Variants in DCHS2 observed in about 807,000 individuals in gnomAD.
The protein encoded by DCHS2 is dachsous cadherin-related 2.
Under a neutral mutation model 182.4 loss-of-function variants are expected in DCHS2, and 142 were observed. That is an observed-to-expected ratio of 0.78 (90% CI 0.68 to 0.89). DCHS2 has a LOEUF of 0.89. Ranked by LOEUF, DCHS2 falls within the 40% of genes least tolerant of loss-of-function variation. The pLI is 0.00. For missense variants in DCHS2, 4,319 were observed against 4,198.6 expected (o/e 1.03, Z -0.79); for synonymous variants, 1,740 against 1,663.3 (o/e 1.05, Z -1.12).
chr4:154,332,794 G>A lies in DCHS2; in HGVS notation c.3414C>T (p.Tyr1138=), dbSNP rs1561048813. 3.7e-6 allele frequency: 6 copies of A among 1,614,250 alleles called. No homozygotes were observed. The highest frequency in any genetic ancestry group is 2.2e-5 in the East Asian group (1 of 44,886). ...VDSAMFGIRP[Y]TGWIYLRRQF... ...GTCGCCGCAAATAAATCCAGCCCGT[G>A]TAAGGGCGGATTCCAAACATAGCAG... The change falls in exon 5 of 20, where the codon TAC becomes TAT. Residue 1138 remains tyrosine, a synonymous_variant. Transcript: ENST00000357232.
chr4:154,304,135 G>A (rs1735334506), intron 12 of DCHS2, among the ~76,000 whole-genome samples: 1 of 151,490 alleles, frequency 6.6e-6, no homozygotes, highest in African/African-American at 2.4e-5. Context: ...TGGCATCCCA[G>A]TGGTAGCTAA....
At chr4:154,371,089 G>T (rs536406382) in intron 2 of DCHS2, among the ~76,000 whole-genome samples, 6 of 152,094 alleles carry the variant, frequency 3.9e-5, no homozygotes, top group Non-Finnish European at 8.8e-5. Flanking sequence ...CAGGGTGCTG[G>T]GTTGTTCAGC....
At position 154,491,093 on chromosome 4, in the gene DCHS2, G is replaced by T; in HGVS notation, c.263C>A (p.Ala88Asp). 1 of 1,551,336 alleles carries T rather than the reference G, an allele frequency of 6.4e-7. No homozygotes were observed. The change falls in exon 1 of 20, where the codon GCC becomes GAC. Residue 88 changes from alanine to aspartate, a missense_variant. Transcript: ENST00000357232. Reference sequence around the variant, plus strand: ...CTGCTGCTGCGCGGCCGGCAGCCCGGCGCGGATGTCACCTACCAGCGTGTC... The same window carrying T: ...CTGCTGCTGCGCGGCCGGCAGCCCGTCGCGGATGTCACCTACCAGCGTGTC... ...PPDTLVGDIRAGLPAAQQQEG... is the reference protein window; with the variant it reads ...PPDTLVGDIRDGLPAAQQQEG...
intron 1 of DCHS2, among the ~76,000 whole-genome samples, chr4:154,377,942 C>A (rs1329504902): frequency 6.6e-6 from 1 of 152,096 alleles, no homozygotes; most frequent in Non-Finnish European, 1.5e-5. Context: ...ACTAGAAACC[C>A]AATCCCAGTG....
intron 1 of DCHS2, among the ~76,000 whole-genome samples, chr4:154,434,072 A>G (rs1247970534): frequency 1.3e-5 from 2 of 152,372 alleles, no homozygotes; most frequent in East Asian, 3.9e-4. Flanking sequence ...ATGAAGTAAA[A>G]CTGAGCAAAA....
At position 154,490,931 on chromosome 4, in the gene DCHS2, A is replaced by G. The variant is rs1274348823; in HGVS notation, c.425T>C (p.Val142Ala). 2 of 1,550,880 alleles carry G rather than the reference A, an allele frequency of 1.3e-6. No homozygotes were observed. Among genetic ancestry groups the G allele is most frequent in the African/African-American group, 1.4e-5 (1 of 73,018 alleles). ...CACAGCGCCCAGCAGCGTGGCGGCG[A>G]CGAAGCTGTAGTGGTCCCGCCGCTC... ...DRERRDHYSF[V>A]AATLLGAVVQ... The change falls in exon 1 of 20, where the codon GTC (valine) becomes GCC (alanine). Residue 142 changes from valine (V) to alanine (A), a missense_variant. Physicochemically the swap from Val to Ala is moderately conservative, Grantham distance 64. Transcript: ENST00000357232.
At position 154,329,633 on chromosome 4, in the gene DCHS2, C is replaced by A. The variant is rs202003400; in HGVS notation, c.3808G>T (p.Gly1270Cys). The A allele has an allele frequency of 2.0e-5, 33 of 1,612,500 alleles. No homozygotes were observed. In the East Asian group the frequency reaches 7.4e-4, roughly 36 times the overall value. ...HEMTVLVTDR[G>C]SPPRNATMAV... ...ATGGTGGCGTTTCGTGGTGGGGAGC[C>A]GCGGTCTGTCACTAGCACAGTCATC... The change falls in exon 6 of 20, where the codon GGC becomes TGC. Residue 1270 changes from glycine (G) to cysteine (C), a missense_variant. Transcript: ENST00000357232.
rs1731217421 is a variant in DCHS2 at position 154,231,826 on chromosome 4, G to C, written c.*2710C>G. On this transcript the variant is annotated 3_prime_UTR_variant, in exon 20 of 20. Coordinates refer to ENST00000357232, the MANE Select transcript of DCHS2 (RefSeq NM_001358235.2). ...ATACATGGAGGCAGCCAGTAATGTA[G>C]AGTGCATTTTAATAATTTTTAAAAG... 6.6e-6 allele frequency: 1 copy of C among 152,108 alleles called. No homozygotes were observed. Among genetic ancestry groups the C allele is most frequent in the Non-Finnish European group, 1.5e-5 (1 of 68,002 alleles). 9.4% of individuals were successfully genotyped at this position (152,108 alleles called of 1,614,324 possible).
At position 154,269,959 on chromosome 4, in the gene DCHS2, A is replaced by G. The variant is rs779339253; in HGVS notation, c.6518T>C (p.Met2173Thr). ...AFAPDSIQDS[M>T]KYSIFSGNED... ...ATTTCCACTAAAAATTGAATATTTC[A>G]TGCTGTCCTGAATTGAGTCAGGAGC... Residue 2173 changes from methionine to threonine, a missense_variant, in exon 14 of 20, where the codon ATG (methionine) becomes ACG (threonine). Physicochemically the swap from Met to Thr is moderately conservative, Grantham distance 81. Transcript: ENST00000357232. The G allele has an allele frequency of 8.1e-6, 13 of 1,612,658 alleles. No homozygotes were observed. The East Asian group carries it at 2.5e-4, about 30-fold the overall frequency.
rs1009435671 is a variant in DCHS2, at chr4:154,311,786, T to C, written c.5260+3962A>G. On this transcript the variant is annotated intron_variant, in intron 10 of 19. Transcript: ENST00000357232. ...TAAGAACCTGGAATAAATGTATTAA[T>C]AGATAAAAAGTGCTGAATCCAGGAG... 5.3e-5 allele frequency among the ~76,000 whole-genome samples: 8 copies of C among 152,080 alleles called. No homozygotes were observed. In the East Asian group the frequency reaches 1.3e-3, roughly 26 times the overall value.
At chr4:154,393,385 A>G (rs994706105) in intron 1 of DCHS2, among the ~76,000 whole-genome samples, 2 of 152,194 alleles carry the variant, frequency 1.3e-5, no homozygotes, top group African/African-American at 2.4e-5. Flanking sequence ...TGGGGGAAAA[A>G]AAATGGGCTT....
chr4:154,332,165 A>C (rs59638818), intron 5 of DCHS2, among the ~76,000 whole-genome samples: 1,895 of 152,342 alleles, frequency 0.012, 43 homozygotes, highest in African/African-American at 0.043. Context: ...AGTTCTGACT[A>C]TACCTCTAGT....
intron 13 of DCHS2, among the ~76,000 whole-genome samples, chr4:154,281,095 G>T (rs1230647858): frequency 6.6e-6 from 1 of 151,988 alleles, no homozygotes; most frequent in African/African-American, 2.4e-5. Context: ...CCAAAGTGCT[G>T]GGATTACAGG....
chr4:154,485,205 AGTGTGGG>A (rs1728545678), intron 1 of DCHS2, among the ~76,000 whole-genome samples: 1 of 152,144 alleles, frequency 6.6e-6, no homozygotes, highest in African/African-American at 2.4e-5. Context: ...TACCACACTG[AGTGTGGG>A]GTGGCACAAG....
chr4:154,394,688 G>A (rs1319548905), intron 1 of DCHS2, among the ~76,000 whole-genome samples: 1 of 152,046 alleles, frequency 6.6e-6, no homozygotes, highest in Non-Finnish European at 1.5e-5. Flanking sequence ...ATCCTCTTTA[G>A]CCTGGTCCTC....
chr4:154,314,979 T>A (rs1735802125), intron 10 of DCHS2, among the ~76,000 whole-genome samples: 1 of 152,178 alleles, frequency 6.6e-6, no homozygotes, highest in Admixed American at 6.5e-5. Flanking sequence ...AAAAACAGAA[T>A]ATGGTTAAAG....
chr4:154,304,565 G>GA (rs1735359207), intron 12 of DCHS2, 104 bp downstream of exon 12: 2 of 973,840 alleles, frequency 2.1e-6, no homozygotes, highest in African/African-American at 3.3e-5. Flanking sequence ...CCTGGGAGGT[G>GA]AAGTTGCAGT....
chr4:154,269,737 A>G (rs957518206), intron 14 of DCHS2, among the ~76,000 whole-genome samples, 163 bp downstream of exon 14: 2 of 151,470 alleles, frequency 1.3e-5, no homozygotes, highest in Non-Finnish European at 2.9e-5. Flanking sequence ...ATATAAATAA[A>G]TAGTTTTTGA....
At chr4:154,239,507 T>G (rs1407948036) in intron 18 of DCHS2, among the ~76,000 whole-genome samples, 2 of 152,138 alleles carry the variant, frequency 1.3e-5, no homozygotes, top group Non-Finnish European at 2.9e-5. Context: ...AAAAAGGTGT[T>G]GTTTTGTTTT....
Sources: allele counts gnomAD v4.1 joint callset (sites outside exome capture counted in the v4.1 genomes callset), GRCh38; gene constraint gnomAD v4.1.1; transcripts MANE v1.5; gene names NCBI Gene and HGNC (gene_info 2026-07-23, HGNC 2026-07-21).